Variants in NT5DC3 observed in about 807,000 individuals in gnomAD.
NT5DC3 encodes 5'-nucleotidase domain-containing protein 3.
Under a neutral mutation model 67.8 loss-of-function variants are expected in NT5DC3, and 42 were observed. The observed-to-expected ratio is 0.62, with a 90% CI of 0.48 to 0.80. The LOEUF (loss-of-function observed/expected upper bound fraction) is 0.80. Ranked by LOEUF, NT5DC3 falls within the 30% of genes least tolerant of loss-of-function variation. The pLI is 0.00. For synonymous variants in NT5DC3, 237 were observed against 255.6 expected (o/e 0.93, Z 0.69); for missense variants, 570 against 696.4 (o/e 0.82, Z 2.04).
the NT5DC3 span, chr12:103,759,228 G>A: frequency 6.2e-7 from 1 of 1,614,164 alleles, no homozygotes; most frequent in South Asian, 1.1e-5. Flanking sequence ...AAACGAGGCT[G>A]GGAAGCAAGC....
rs1388387574 is a variant in NT5DC3, at chr12:103,841,121, C to G, written c.36G>C (p.Gly12=). Residue 12 remains glycine (G), a synonymous_variant, in exon 1 of 14, where the codon GGG becomes GGC. Coordinates refer to ENST00000392876, the MANE Select transcript of NT5DC3 (RefSeq NM_001031701.3). ...CCGCTGTCGCTGCCCTCGCCCCGGC[C>G]CCGCGTGCCACCACCGCCGCCGCTG... The part of the protein sequence containing the change: ...TMAAAAVVAR[G]AGARAATAAA... The G allele has an allele frequency of 4.9e-6, 5 of 1,013,902 alleles. 1 individual carries two copies. The highest frequency in any genetic ancestry group is 3.9e-6 in the Non-Finnish European group (3 of 770,142). The allele number at this position is 1,013,902 out of a possible 1,614,324, so 62.8% of individuals were successfully genotyped here.
At position 103,773,379 on chromosome 12, in the gene NT5DC3, G is replaced by A. The variant is rs1885237935; in HGVS notation, c.*4450C>T. ...AAAAGTTTGCTGACCCTGCATTAAGGGTACTTCATTCCCTACCCTTTCTTG... is the reference window on the plus strand; with the variant it reads ...AAAAGTTTGCTGACCCTGCATTAAGAGTACTTCATTCCCTACCCTTTCTTG... On this transcript the variant is annotated 3_prime_UTR_variant, in exon 14 of 14. Transcript: ENST00000392876. The A allele has an allele frequency of 6.6e-6, 1 of 152,128 alleles. No individual in the cohort carries two copies. Among genetic ancestry groups the A allele is most frequent in the Non-Finnish European group, 1.5e-5 (1 of 68,022 alleles). 9.4% of individuals were successfully genotyped at this position (152,128 alleles called of 1,614,324 possible). A position where few individuals can be genotyped will look rare whatever the true frequency, so the allele number is the denominator to read the frequency against.
chr12:103,812,380 C>A (rs1426004441), intron 2 of NT5DC3, among the ~76,000 whole-genome samples: 1 of 152,124 alleles, frequency 6.6e-6, no homozygotes, highest in Non-Finnish European at 1.5e-5. Flanking sequence ...ACTAATATGC[C>A]TGATATAATT....
chr12:103,808,058 T>C (rs1886876874), intron 2 of NT5DC3, among the ~76,000 whole-genome samples: 1 of 152,164 alleles, frequency 6.6e-6, no homozygotes, highest in Non-Finnish European at 1.5e-5. Flanking sequence ...CTATGCAAAA[T>C]TGCTGGCTCC....
At chr12:103,827,995 A>G (rs892598080) in intron 1 of NT5DC3, among the ~76,000 whole-genome samples, 5 of 152,248 alleles carry the variant, frequency 3.3e-5, no homozygotes, top group Non-Finnish European at 7.3e-5. Flanking sequence ...ACCAAGGAAG[A>G]GCCAGTTGCT....
rs1885402010 is a variant in NT5DC3 at position 103,778,021 on chromosome 12, G to A, written c.1455C>T (p.Asn485=). Reference sequence around the variant, plus strand: ...ACAGGCGCCTTAGGAAGTAGGTTGGGTTCTGGTCTGTGCGGAACAGGCTTC... The same window carrying A: ...ACAGGCGCCTTAGGAAGTAGGTTGGATTCTGGTCTGTGCGGAACAGGCTTC... ...QFGSLFRTDQ[N]PTYFLRRLSR... The change falls in exon 14 of 14, where the codon AAC becomes AAT. Residue 485 remains asparagine, a synonymous_variant. Coordinates refer to ENST00000392876, the MANE Select transcript of NT5DC3 (RefSeq NM_001031701.3). The A allele has an allele frequency of 6.2e-7, 1 of 1,614,200 alleles. No homozygotes were observed. Among genetic ancestry groups the A allele is most frequent in the African/African-American group, 1.3e-5 (1 of 75,048 alleles).
intron 12 of NT5DC3, among the ~76,000 whole-genome samples, chr12:103,783,059 A>C (rs1885625066): frequency 1.3e-5 from 2 of 152,252 alleles, no homozygotes; most frequent in Non-Finnish European, 1.5e-5. Context: ...ATCTCAGAGG[A>C]CCAATTTTTC....
chr12:103,812,425 C>A (rs1566118822), intron 2 of NT5DC3, among the ~76,000 whole-genome samples: 1 of 152,094 alleles, frequency 6.6e-6, no homozygotes, highest in African/African-American at 2.4e-5. Flanking sequence ...AAGCAACAAA[C>A]AGACATAATG....
At chr12:103,782,641 C>T (rs758795692) in intron 12 of NT5DC3, among the ~76,000 whole-genome samples, 1 of 152,172 alleles carries the variant, frequency 6.6e-6, no homozygotes, top group Non-Finnish European at 1.5e-5. Context: ...GAAGCGGCTA[C>T]CAATGCCAGC....
chr12:103,801,720 C>A (rs1365001010), intron 4 of NT5DC3, among the ~76,000 whole-genome samples: 6 of 152,150 alleles, frequency 3.9e-5, no homozygotes, highest in Non-Finnish European at 2.9e-5. Context: ...CACATTAGGG[C>A]AGAGAAAGGC....
intron 11 of NT5DC3, among the ~76,000 whole-genome samples, chr12:103,786,498 G>C (rs939980559): frequency 6.8e-6 from 1 of 147,260 alleles, no homozygotes; most frequent in Middle Eastern, 3.4e-3. Context: ...GGGAAATCCA[G>C]TGGGCAACCA....
chr12:103,759,341 G>C, the NT5DC3 span: 185 of 1,573,810 alleles, frequency 1.2e-4, no homozygotes, highest in Non-Finnish European at 7.6e-5. Flanking sequence ...GCATACAGTA[G>C]GTGCTTAATA....
At chr12:103,839,992 C>T (rs1378455530) in intron 1 of NT5DC3, among the ~76,000 whole-genome samples, 2 of 152,252 alleles carry the variant, frequency 1.3e-5, no homozygotes, top group Middle Eastern at 6.8e-3. Context: ...CTGAATCCTC[C>T]TTGGAAGCAA....
chr12:103,783,007 CA>C (rs1331141671), intron 12 of NT5DC3, among the ~76,000 whole-genome samples: 1 of 152,004 alleles, frequency 6.6e-6, no homozygotes, highest in Non-Finnish European at 1.5e-5. Context: ...AACAAACAAA[CA>C]AAAAAATGAC....
Position 103,788,939 on chromosome 12 carries a change from A to G in NT5DC3, c.1020-20T>C. On this transcript the variant is annotated intron_variant, in intron 9 of 13. Coordinates refer to ENST00000392876, the MANE Select transcript of NT5DC3 (RefSeq NM_001031701.3). ...AAAGGCCTAACAACAGAAATGGGAA[A>G]CATTATGACATGGAGTAGTACAGGC... 2 of 1,481,964 alleles carry G rather than the reference A, an allele frequency of 1.3e-6. No homozygotes were observed. The highest frequency in any genetic ancestry group is 4.5e-5 in the East Asian group (2 of 44,302). The allele number at this position is 1,481,964 out of a possible 1,614,324, so 91.8% of individuals were successfully genotyped here.
At chr12:103,831,833 C>T (rs529995600) in intron 1 of NT5DC3, among the ~76,000 whole-genome samples, 75 of 144,904 alleles carry the variant, frequency 5.2e-4, no homozygotes, top group African/African-American at 1.9e-3. Flanking sequence ...TGGAGTACAG[C>T]GGTGTGATCT....
the NT5DC3 span, chr12:103,749,061 A>G: frequency 6.2e-7 from 1 of 1,614,140 alleles, no homozygotes; most frequent in Admixed American, 1.7e-5. Flanking sequence ...GAAGGGATAC[A>G]AAGGGGACGG....
chr12:103,787,718 T>A (rs146482192), intron 10 of NT5DC3, among the ~76,000 whole-genome samples, 191 bp from the exon 11 acceptor site: 7 of 152,366 alleles, frequency 4.6e-5, no homozygotes, highest in African/African-American at 1.7e-4. Context: ...GGATTTATAT[T>A]ATATACACCT....
the NT5DC3 span, among the ~76,000 whole-genome samples, chr12:103,747,328 C>T: frequency 6.6e-6 from 1 of 152,168 alleles, no homozygotes; most frequent in African/African-American, 2.4e-5. Flanking sequence ...ATAAATAAGG[C>T]AGATGTTTCC....
Sources: gnomAD v4.1 joint callset for allele counts (sites outside exome capture counted in the v4.1 genomes callset) on GRCh38, gnomAD v4.1.1 for gene constraint, MANE v1.5 for transcripts, NCBI Gene and HGNC (gene_info 2026-07-23, HGNC 2026-07-21) for gene names.